The following TLK2 variants were observed in gnomAD, a reference collection of about 807,000 sequenced individuals.
TLK2 encodes tousled like kinase 2, also known as serine/threonine-protein kinase tousled-like 2.
Under a neutral mutation model 117.3 loss-of-function variants are expected in TLK2, and 6 were observed. The observed-to-expected ratio is 0.05, with a 90% confidence interval of 0.03 to 0.10. TLK2 has a LOEUF of 0.10. TLK2 is among the 10% of genes least tolerant of loss of function. The pLI, the probability that TLK2 is intolerant of heterozygous loss-of-function variation, is 1.00. For synonymous variants in TLK2, 257 were observed against 316.7 expected (o/e 0.81, Z 2.00); for missense variants, 299 against 901.2 (o/e 0.33, Z 8.56).
chr17:62,553,849 A>G, intron 9 of TLK2, 94 bp downstream of exon 9: 1 of 769,744 alleles, frequency 1.3e-6, no homozygotes, highest in Non-Finnish European at 2.2e-6. Context: ...ACTATAGCCA[A>G]ATAACAATGA....
At chr17:62,510,321 C>T (rs538863297) in intron 2 of TLK2, among the ~76,000 whole-genome samples, 47 of 152,288 alleles carry the variant, frequency 3.1e-4, no homozygotes, top group African/African-American at 1.0e-3. Flanking sequence ...CACCTACAGA[C>T]TAAGTATGGC....
intron 2 of TLK2, among the ~76,000 whole-genome samples, chr17:62,492,164 A>G (rs2073172268): frequency 6.6e-6 from 1 of 152,226 alleles, no homozygotes; most frequent in Non-Finnish European, 1.5e-5. Context: ...TGGTATTAAA[A>G]TATAAACCTT....
chr17:62,556,120 G>A (rs1426664286), intron 9 of TLK2, among the ~76,000 whole-genome samples: 1 of 151,894 alleles, frequency 6.6e-6, no homozygotes, highest in Admixed American at 6.6e-5. Context: ...TTGCCACATT[G>A]GCCACACTGG....
At chr17:62,502,840 C>A (rs2074321197) in intron 2 of TLK2, among the ~76,000 whole-genome samples, 1 of 152,048 alleles carries the variant, frequency 6.6e-6, no homozygotes, top group Admixed American at 6.6e-5. Flanking sequence ...ATTTTATATT[C>A]TTGTTTCATG....
Position 62,613,932 on chromosome 17 carries a change from T to A in TLK2, c.*1367T>A, listed in dbSNP as rs1356723428. 2 of 152,170 alleles carry A rather than the reference T, an allele frequency of 1.3e-5. No homozygotes were observed. Among genetic ancestry groups the A allele is most frequent in the African/African-American group, 4.8e-5 (2 of 41,446 alleles). 9.4% of individuals were successfully genotyped at this position (152,170 alleles called of 1,614,324 possible). A position where few individuals can be genotyped will look rare whatever the true frequency, so the allele number is the denominator to read the frequency against. ...CGAGGTCGGGAGTTCGAGATCAGTC[T>A]GGTCAACATGGTGAAACGCCATCTC... On this transcript the variant is annotated 3_prime_UTR_variant, in exon 22 of 22. Coordinates refer to ENST00000346027, the MANE Select transcript of TLK2 (RefSeq NM_006852.6).
chr17:62,542,124 A>G (rs1357857167), intron 7 of TLK2, among the ~76,000 whole-genome samples: 1 of 152,246 alleles, frequency 6.6e-6, no homozygotes. Flanking sequence ...TTCCTAAATT[A>G]TGAAAATAGA....
At chr17:62,510,903 G>T (rs1296797154) in intron 2 of TLK2, among the ~76,000 whole-genome samples, 1 of 152,118 alleles carries the variant, frequency 6.6e-6, no homozygotes, top group African/African-American at 2.4e-5. Context: ...CTAAGTGTTG[G>T]TTATCATTAT....
At chr17:62,563,899 T>C (rs2079510370) in intron 10 of TLK2, among the ~76,000 whole-genome samples, 1 of 152,164 alleles carries the variant, frequency 6.6e-6, no homozygotes, top group Non-Finnish European at 1.5e-5. Context: ...TTGAGGGGTT[T>C]TTCTTGTCTG....
intron 8 of TLK2, 102 bp from the exon 9 acceptor site, chr17:62,553,561 A>C (rs1386243187): frequency 5.2e-6 from 4 of 766,918 alleles, no homozygotes; most frequent in Admixed American, 2.3e-5. Flanking sequence ...TTGTGTGAGC[A>C]AGTGCTTTTT....
chr17:62,474,599 G>T (rs754124449), upstream of TLK2, among the ~76,000 whole-genome samples: 12 of 150,662 alleles, frequency 8.0e-5, no homozygotes, highest in East Asian at 5.9e-4. Context: ...TTTTAGTAGA[G>T]ACTGGGTTTC....
chr17:62,573,305 C>A lies in TLK2; in HGVS notation c.1059C>A (p.Ala353=), dbSNP rs762612135. ...AKRKPPAMGQ[A]PPATNEQKQR... ...GGAAACCTCCTGCCATGGGTCAGGC[C>A]CCTCCTGCAACCAATGAGCAGAAAC... is the stretch of plus-strand genomic sequence containing the variant. The change falls in exon 12 of 22, where the codon GCC becomes GCA. Residue 353 remains alanine, a synonymous_variant. Transcript: ENST00000346027. The A allele has an allele frequency of 7.4e-6, 12 of 1,613,904 alleles. No homozygotes were observed. The highest frequency in any genetic ancestry group is 1.0e-5 in the Non-Finnish European group (12 of 1,179,982).
chr17:62,574,235 A>C, intron 12 of TLK2: 1 of 1,448,020 alleles, frequency 6.9e-7, no homozygotes, highest in African/African-American at 1.4e-5. Flanking sequence ...CATTCTAGTG[A>C]GAAAGATGGC....
intron 6 of TLK2, among the ~76,000 whole-genome samples, chr17:62,525,444 A>G (rs1052097104): frequency 1.0e-4 from 15 of 145,016 alleles, no homozygotes; most frequent in Non-Finnish European, 2.0e-4. Context: ...CTTGCCATAT[A>G]TATGTAATTT....
At chr17:62,504,403 T>G (rs902688399) in intron 2 of TLK2, among the ~76,000 whole-genome samples, 1 of 152,166 alleles carries the variant, frequency 6.6e-6, no homozygotes, top group Non-Finnish European at 1.5e-5. Context: ...AGAGATTTAG[T>G]CCTACACCTA....
At chr17:62,609,712 T>C (rs1008062256) in intron 21 of TLK2, among the ~76,000 whole-genome samples, 1 of 151,708 alleles carries the variant, frequency 6.6e-6, no homozygotes, top group African/African-American at 2.4e-5. Flanking sequence ...TAACCTAATT[T>C]TGGTGTCAGC....
intron 9 of TLK2, among the ~76,000 whole-genome samples, chr17:62,556,151 G>A (rs1035645377): frequency 2.0e-5 from 3 of 152,102 alleles, no homozygotes; most frequent in Non-Finnish European, 4.4e-5. Flanking sequence ...CTGACCTGCA[G>A]TGATCAGCCT....
At chr17:62,584,210 G>A (rs142628296) in intron 15 of TLK2, among the ~76,000 whole-genome samples, 269 of 144,730 alleles carry the variant, frequency 1.9e-3, no homozygotes, top group African/African-American at 6.7e-3. Context: ...TCTGCCTCCC[G>A]GGTTCACGCC....
intron 7 of TLK2, chr17:62,550,191 G>C (rs545352758): frequency 3.3e-4 from 50 of 152,356 alleles, no homozygotes; most frequent in African/African-American, 1.2e-3. Flanking sequence ...ATGTTGGCCA[G>C]GCTGGTCTTG....
intron 7 of TLK2, among the ~76,000 whole-genome samples, chr17:62,549,420 A>AAAAAAGT (rs567899760): frequency 1.3e-4 from 1 of 7,452 alleles, no homozygotes; most frequent in African/African-American, 1.7e-4. Context: ...AAAAAAAAAA[A>AAAAAAGT]AAAAAAAAAA....
Sources: allele counts gnomAD v4.1 joint callset (sites outside exome capture counted in the v4.1 genomes callset), GRCh38; gene constraint gnomAD v4.1.1; transcripts MANE v1.5; gene names NCBI Gene and HGNC (gene_info 2026-07-23, HGNC 2026-07-21).